PRKCA: variants seen among roughly 807,000 people sequenced by gnomAD.
PRKCA encodes protein kinase C alpha type.
A neutral mutation model predicts 87.0 loss-of-function variants in PRKCA; 27 were observed. The ratio of observed to expected loss-of-function variants is 0.31; its 90% CI spans 0.23 to 0.43. The LOEUF is 0.43. Among genes scored for constraint, PRKCA ranks in the 20% least tolerant of loss-of-function variants. PRKCA has a pLI of 1.00. For missense variants in PRKCA, 518 were observed against 852.3 expected, an observed-to-expected ratio of 0.61 and a Z score of 4.88; for synonymous variants, 329 against 311.1, an observed-to-expected ratio of 1.06 and a Z score of -0.61.
chr17:66,584,995 G>GCT (rs369489490), intron 3 of PRKCA, among the ~76,000 whole-genome samples: 1 of 151,754 alleles, frequency 6.6e-6, no homozygotes, highest in African/African-American at 2.4e-5. Context: ...AAAGAGGAAA[G>GCT]CTCTCTCTCT....
chr17:66,302,882 A>C lies in PRKCA; in HGVS notation c.31A>C (p.Thr11Pro). The C allele has an allele frequency of 6.3e-7, 1 of 1,582,864 alleles. No individual in the cohort carries two copies. The highest frequency in any genetic ancestry group is 8.6e-7 in the Non-Finnish European group (1 of 1,162,428). Residue 11 changes from threonine (T) to proline (P), a missense_variant, in exon 1 of 17, where the codon ACG becomes CCG. This residue lies in a region of PRKCA where 33 missense variants were observed against 34.1 expected (regional missense o/e 0.97). Transcript: ENST00000413366. MADVFPGNDSTASQDVANRFA... is the reference protein window; with the variant it reads MADVFPGNDSPASQDVANRFA... The stretch of plus-strand genomic sequence containing the variant: ...TGACGTTTTCCCGGGCAACGACTCC[A>C]CGGCGTCTCAGGACGTGGCCAACCG...
intron 3 of PRKCA, among the ~76,000 whole-genome samples, chr17:66,496,692 G>A (rs1916492267): frequency 7.0e-6 from 1 of 143,608 alleles, no homozygotes; most frequent in African/African-American, 2.6e-5. Context: ...TGCCCAGGCT[G>A]GAGTGCAGTG....
intron 3 of PRKCA, among the ~76,000 whole-genome samples, chr17:66,533,040 T>G (rs1015799034): frequency 1.3e-5 from 2 of 152,126 alleles, no homozygotes; most frequent in African/African-American, 2.4e-5. Context: ...CCAACAACAC[T>G]TCAGTCCTTT....
chr17:66,721,446 A>G (rs1973614947), intron 8 of PRKCA, among the ~76,000 whole-genome samples: 1 of 151,516 alleles, frequency 6.6e-6, no homozygotes, highest in East Asian at 1.9e-4. Flanking sequence ...GCAACCCCCA[A>G]GAGCTGCTGG....
At chr17:66,655,769 C>T (rs1046192475) in intron 5 of PRKCA, among the ~76,000 whole-genome samples, 1 of 152,278 alleles carries the variant, frequency 6.6e-6, no homozygotes, top group East Asian at 1.9e-4. Flanking sequence ...TTTTACTGCA[C>T]TCCTCACCCC....
At chr17:66,694,946 T>C (rs1300050576) in intron 8 of PRKCA, among the ~76,000 whole-genome samples, 1 of 152,168 alleles carries the variant, frequency 6.6e-6, no homozygotes, top group Admixed American at 6.5e-5. Context: ...TTGGGCTACA[T>C]CTACCTTCAG....
At chr17:66,548,123 G>A (rs1047556719) in intron 3 of PRKCA, among the ~76,000 whole-genome samples, 4 of 152,140 alleles carry the variant, frequency 2.6e-5, no homozygotes, top group African/African-American at 7.2e-5. Context: ...GGAGCTTTTC[G>A]CTGATTCTTG....
At chr17:66,410,402 C>G (rs1911712353) in intron 2 of PRKCA, among the ~76,000 whole-genome samples, 1 of 152,144 alleles carries the variant, frequency 6.6e-6, no homozygotes, top group Non-Finnish European at 1.5e-5. Flanking sequence ...TGGACTAAGT[C>G]ATTATAGCTT....
chr17:66,516,631 T>TA (rs60081754), intron 3 of PRKCA, among the ~76,000 whole-genome samples: 5,046 of 144,918 alleles, frequency 0.035, 288 homozygotes, highest in African/African-American at 0.12. Context: ...AGACTCTGTC[T>TA]AAAAAAAAAA....
chr17:66,474,383 T>C (rs968926623), intron 2 of PRKCA, among the ~76,000 whole-genome samples: 3 of 152,222 alleles, frequency 2.0e-5, no homozygotes, highest in African/African-American at 7.2e-5. Context: ...CCAGACAATG[T>C]TGTATCTATA....
At chr17:66,318,462 G>A (rs572373362) in intron 2 of PRKCA, among the ~76,000 whole-genome samples, 1 of 151,472 alleles carries the variant, frequency 6.6e-6, no homozygotes, top group South Asian at 2.1e-4. Flanking sequence ...TGCTGGTATT[G>A]AGCTGGATTG....
intron 8 of PRKCA, among the ~76,000 whole-genome samples, chr17:66,718,462 G>A (rs9899587): frequency 0.016 from 2,412 of 152,228 alleles, 79 homozygotes; most frequent in African/African-American, 0.054. Context: ...ACAGGTGCAC[G>A]CCACTGTGCC....
At chr17:66,432,564 C>T (rs973753) in intron 2 of PRKCA, among the ~76,000 whole-genome samples, 116,191 of 152,042 alleles carry the variant, frequency 0.76, 45,182 homozygotes, top group South Asian at 0.9. Context: ...GAGAAAACTA[C>T]GGCTTAGGGA....
intron 2 of PRKCA, among the ~76,000 whole-genome samples, chr17:66,438,626 C>G (rs913448975): frequency 6.6e-6 from 1 of 152,124 alleles, no homozygotes; most frequent in African/African-American, 2.4e-5. Context: ...AAGATACTAC[C>G]TGAGACCAGG....
chr17:66,671,793 A>G (rs1211033161), intron 5 of PRKCA, among the ~76,000 whole-genome samples: 1 of 152,206 alleles, frequency 6.6e-6, no homozygotes, highest in African/African-American at 2.4e-5. Flanking sequence ...AATCTAGAAC[A>G]ATTTAAAGTC....
At chr17:66,775,155 G>C in intron 14 of PRKCA, 1 of 839,482 alleles carries the variant, frequency 1.2e-6, no homozygotes, top group Non-Finnish European at 1.3e-6. Context: ...CTGAGTCTTT[G>C]AATGACCCTG....
At chr17:66,777,102 A>G in intron 14 of PRKCA, 2 of 452,158 alleles carry the variant, frequency 4.4e-6, no homozygotes, top group Non-Finnish European at 2.9e-6. Context: ...ATTATTTTAC[A>G]GAGAGAGAGT....
intron 3 of PRKCA, among the ~76,000 whole-genome samples, chr17:66,570,514 G>A (rs73993882): frequency 0.01 from 1,528 of 152,252 alleles, 29 homozygotes; most frequent in African/African-American, 0.034. Flanking sequence ...ATTGTGCAGC[G>A]TGTTGCTACT....
chr17:66,687,028 A>G, intron 5 of PRKCA, 83 bp from the exon 6 acceptor site: 2 of 1,249,710 alleles, frequency 1.6e-6, no homozygotes, highest in African/African-American at 1.5e-5. Context: ...CGTCTCTTTT[A>G]TTCAGCTTGG....
Sources: gnomAD v4.1 joint callset for allele counts (sites outside exome capture counted in the v4.1 genomes callset) on GRCh38, gnomAD v4.1.1 for gene constraint, gnomAD v4.1.1 regional missense constraint, MANE v1.5 for transcripts, NCBI Gene and HGNC (gene_info 2026-07-23, HGNC 2026-07-21) for gene names.